MARCHF4: variants seen among roughly 807,000 people sequenced by gnomAD.
MARCHF4 encodes membrane associated ring-CH-type finger 4.
A neutral mutation model predicts 43.9 loss-of-function variants in MARCHF4; 14 were observed. The observed-to-expected ratio is 0.32, with a 90% CI of 0.21 to 0.50. The LOEUF is 0.50. Among genes scored for constraint, MARCHF4 ranks in the 20% least tolerant of loss-of-function variants. MARCHF4 has a pLI of 0.98. For synonymous variants in MARCHF4, 226 were observed against 213.3 expected (o/e 1.06, Z -0.52); for missense variants, 468 against 536.7 (o/e 0.87, Z 1.27).
At chr2:216,297,621 C>G (rs558943670) in intron 1 of MARCHF4, among the ~76,000 whole-genome samples, 4 of 152,232 alleles carry the variant, frequency 2.6e-5, no homozygotes, top group Admixed American at 2.0e-4. Flanking sequence ...TCAAGCAATT[C>G]TTTTGCCTTA....
intron 3 of MARCHF4, 95 bp downstream of exon 3, chr2:216,277,577 G>T (rs1691046927): frequency 1.5e-6 from 2 of 1,330,898 alleles, no homozygotes; most frequent in African/African-American, 2.9e-5. Flanking sequence ...GGCCATATCT[G>T]CTTCAGCCTC....
intron 1 of MARCHF4, among the ~76,000 whole-genome samples, chr2:216,290,628 G>C (rs1691293340): frequency 6.6e-6 from 1 of 152,122 alleles, no homozygotes; most frequent in Non-Finnish European, 1.5e-5. Flanking sequence ...AGGGAAATAA[G>C]GGCTGGTGTT....
rs200400557 is a variant in MARCHF4 at position 216,283,565 on chromosome 2, G to A, written c.672+9C>T. 2.5e-5 allele frequency: 40 copies of A among 1,594,068 alleles called. No homozygotes were observed. The highest frequency in any genetic ancestry group is 3.4e-5 in the Non-Finnish European group (40 of 1,164,306). On this transcript the variant is annotated intron_variant, in intron 2 of 3. Transcript: ENST00000273067. ...CCCAGCAACCCCACCAGGCAGCCCT[G>A]GGTTGTACCTGCAGAGGATTTTTTG...
rs1361124651 is a variant in MARCHF4 at position 216,277,663 on chromosome 2, C to T, written c.865+9G>A. On this transcript the variant is annotated intron_variant, in intron 3 of 3. Coordinates refer to ENST00000273067, the MANE Select transcript of MARCHF4 (RefSeq NM_020814.3). Reference sequence around the variant, plus strand: ...CCCACTTCCCATGGAGACAAACCCCCAGACCCACCTATGCACACCACGTCC... The same window carrying T: ...CCCACTTCCCATGGAGACAAACCCCTAGACCCACCTATGCACACCACGTCC... 4 of 1,592,706 alleles carry T rather than the reference C, an allele frequency of 2.5e-6. No individual in the cohort carries two copies. The highest frequency in any genetic ancestry group is 3.4e-6 in the Non-Finnish European group (4 of 1,163,802).
intron 2 of MARCHF4, among the ~76,000 whole-genome samples, chr2:216,279,704 G>A (rs1691095368): frequency 6.6e-6 from 1 of 152,196 alleles, no homozygotes; most frequent in Non-Finnish European, 1.5e-5. Flanking sequence ...CCAGACATAG[G>A]ACATCAGCGT....
chr2:216,368,787 C>T (rs909031333), intron 1 of MARCHF4, among the ~76,000 whole-genome samples: 1 of 152,210 alleles, frequency 6.6e-6, no homozygotes, highest in Non-Finnish European at 1.5e-5. Flanking sequence ...GTGAGCCTTT[C>T]TATCTGTGAT....
chr2:216,361,103 C>T (rs1692570118), intron 1 of MARCHF4, among the ~76,000 whole-genome samples: 1 of 152,064 alleles, frequency 6.6e-6, no homozygotes, highest in South Asian at 2.1e-4. Flanking sequence ...AAAGAATAGA[C>T]ACATACAAAT....
chr2:216,327,025 G>GAGGATAAAATAATCCAATTAATCCATGTT (rs1692005048), intron 1 of MARCHF4, among the ~76,000 whole-genome samples: 1 of 152,126 alleles, frequency 6.6e-6, no homozygotes, highest in Non-Finnish European at 1.5e-5. Flanking sequence ...AAGTTACTGT[G>GAGGATAAAATAATCCAATTAATCCATGTT]AGGATAAAAT....
chr2:216,360,895 G>T (rs532473061), intron 1 of MARCHF4, among the ~76,000 whole-genome samples: 1 of 140,084 alleles, frequency 7.1e-6, no homozygotes, highest in Non-Finnish European at 1.5e-5. Context: ...TCCAGGGCTC[G>T]TCTCAAATTC....
intron 1 of MARCHF4, among the ~76,000 whole-genome samples, chr2:216,324,975 CAGG>C (rs1341390012): frequency 6.6e-6 from 1 of 151,336 alleles, no homozygotes; most frequent in Non-Finnish European, 1.5e-5. Flanking sequence ...GGCAATTAGG[CAGG>C]AGAAGGAAAT....
chr2:216,336,703 A>G, intron 1 of MARCHF4, among the ~76,000 whole-genome samples: 1 of 146,876 alleles, frequency 6.8e-6, no homozygotes. Flanking sequence ...TTCACCCAAA[A>G]CCACTTCCTC....
At chr2:216,290,436 G>A (rs1691291118) in intron 1 of MARCHF4, among the ~76,000 whole-genome samples, 1 of 152,186 alleles carries the variant, frequency 6.6e-6, no homozygotes, top group Admixed American at 6.5e-5. Flanking sequence ...AGCCGAAAAT[G>A]AAGTTAGAGA....
At chr2:216,324,022 A>G (rs1361381334) in intron 1 of MARCHF4, among the ~76,000 whole-genome samples, 3 of 152,042 alleles carry the variant, frequency 2.0e-5, no homozygotes, top group Admixed American at 1.3e-4. Flanking sequence ...TAATGAATCC[A>G]GGAGCTGGTT....
chr2:216,322,499 G>T (rs546410620), intron 1 of MARCHF4, among the ~76,000 whole-genome samples: 2 of 152,294 alleles, frequency 1.3e-5, no homozygotes, highest in South Asian at 2.1e-4. Context: ...GCTGTGGAGG[G>T]TCTTAGCAGT....
intron 1 of MARCHF4, among the ~76,000 whole-genome samples, chr2:216,286,094 G>A (rs551993781): frequency 5.9e-5 from 9 of 152,334 alleles, no homozygotes; most frequent in South Asian, 2.1e-4. Flanking sequence ...GAGAAAGGAG[G>A]AGCGTGACCT....
chr2:216,341,439 A>C (rs935515030), intron 1 of MARCHF4, among the ~76,000 whole-genome samples: 2 of 152,174 alleles, frequency 1.3e-5, no homozygotes, highest in Non-Finnish European at 2.9e-5. Context: ...GCTGATGCAG[A>C]CTGAGCCTGG....
At chr2:216,315,358 A>G (rs73988368) in intron 1 of MARCHF4, among the ~76,000 whole-genome samples, 5,547 of 152,244 alleles carry the variant, frequency 0.036, 320 homozygotes, top group African/African-American at 0.13. Context: ...CCCTTTCTAG[A>G]AAACAGAGAG....
chr2:216,343,054 G>A (rs188400197), intron 1 of MARCHF4, among the ~76,000 whole-genome samples: 75 of 152,282 alleles, frequency 4.9e-4, no homozygotes, highest in African/African-American at 1.7e-3. Flanking sequence ...CAAAGGACTG[G>A]GACTGGTGGA....
intron 1 of MARCHF4, among the ~76,000 whole-genome samples, chr2:216,329,347 C>T (rs1692048835): frequency 6.6e-6 from 1 of 152,150 alleles, no homozygotes; most frequent in Non-Finnish European, 1.5e-5. Context: ...CGCCACTGGA[C>T]TCCAGCCTGG....
Sources: gnomAD v4.1 joint callset for allele counts (sites outside exome capture counted in the v4.1 genomes callset) on GRCh38, gnomAD v4.1.1 for gene constraint, MANE v1.5 for transcripts, NCBI Gene and HGNC (gene_info 2026-07-23, HGNC 2026-07-21) for gene names.